Variants in PDE4B observed in about 807,000 individuals in gnomAD.
PDE4B encodes the protein phosphodiesterase 4B, also known as 3',5'-cyclic-AMP phosphodiesterase 4B.
A neutral mutation model predicts 82.2 loss-of-function variants in PDE4B; 20 were observed. That is an observed-to-expected ratio of 0.24 (90% CI 0.17 to 0.35). The LOEUF is 0.35. Among genes scored for constraint, PDE4B ranks in the 10% least tolerant of loss-of-function variants. The pLI, the probability that PDE4B is intolerant of heterozygous loss-of-function variation, is 1.00. For synonymous variants in PDE4B, 320 were observed against 318.9 expected, an observed-to-expected ratio of 1.00 and a Z score of -0.04; for missense variants, 655 against 907.2, an observed-to-expected ratio of 0.72 and a Z score of 3.57.
At chr1:66,185,524 A>C (rs1015761204) in intron 3 of PDE4B, among the ~76,000 whole-genome samples, 1 of 151,704 alleles carries the variant, frequency 6.6e-6, no homozygotes, top group African/African-American at 2.4e-5. Context: ...CTTTTTAATG[A>C]TTGCCATTCT....
rs578009622 is a variant in PDE4B, at chr1:66,179,238, T to A, written c.282-68222T>A. On this transcript the variant is annotated intron_variant, in intron 3 of 16. Coordinates refer to ENST00000341517, the MANE Select transcript of PDE4B (RefSeq NM_002600.4). ...CATGGAAACTCACTCAGCATATGAA[T>A]TTGTAATCTCAAAGCACCATCATAT... Among the ~76,000 whole-genome samples, 6 of 152,318 alleles carry A rather than the reference T, an allele frequency of 3.9e-5. No homozygotes were observed. The South Asian group carries it at 1.2e-3, about 32-fold the overall frequency.
chr1:65,817,207 G>T (rs529884519), intron 1 of PDE4B, among the ~76,000 whole-genome samples: 1 of 152,136 alleles, frequency 6.6e-6, no homozygotes, highest in Non-Finnish European at 1.5e-5. Context: ...AGATTTATTC[G>T]TTTTCTCTTC....
At chr1:66,135,336 C>A (rs1477816800) in intron 3 of PDE4B, among the ~76,000 whole-genome samples, 2 of 152,270 alleles carry the variant, frequency 1.3e-5, no homozygotes, top group Non-Finnish European at 2.9e-5. Flanking sequence ...TTATAGATAA[C>A]CCTAATGAAG....
At chr1:66,225,401 G>A (rs1651369252) in intron 3 of PDE4B, among the ~76,000 whole-genome samples, 1 of 152,148 alleles carries the variant, frequency 6.6e-6, no homozygotes, top group Non-Finnish European at 1.5e-5. Context: ...ATATTTCTAA[G>A]AATTCCTGCG....
chr1:66,149,380 G>T (rs1042056343), intron 3 of PDE4B, among the ~76,000 whole-genome samples: 2 of 151,984 alleles, frequency 1.3e-5, no homozygotes, highest in Non-Finnish European at 2.9e-5. Flanking sequence ...TATATAATTT[G>T]CAAATATTTT....
intron 3 of PDE4B, among the ~76,000 whole-genome samples, chr1:65,989,473 A>G (rs913876057): frequency 2.6e-5 from 4 of 152,212 alleles, no homozygotes; most frequent in Non-Finnish European, 5.9e-5. Flanking sequence ...CCTGGGTGAC[A>G]CAGCGAGACA....
chr1:66,101,173 A>G (rs1342007091), intron 3 of PDE4B, among the ~76,000 whole-genome samples: 2 of 152,102 alleles, frequency 1.3e-5, no homozygotes, highest in Non-Finnish European at 2.9e-5. Context: ...AACCTTTTTT[A>G]TGGCTGCATA....
At chr1:66,059,110 C>T (rs1205610283) in intron 3 of PDE4B, among the ~76,000 whole-genome samples, 1 of 152,158 alleles carries the variant, frequency 6.6e-6, no homozygotes, top group Non-Finnish European at 1.5e-5. Flanking sequence ...TGCAAAGATC[C>T]ACAAATCTCT....
At chr1:66,116,330 T>C (rs568672299) in intron 3 of PDE4B, among the ~76,000 whole-genome samples, 4 of 152,310 alleles carry the variant, frequency 2.6e-5, no homozygotes, top group African/African-American at 9.6e-5. Flanking sequence ...GACCTCTGTG[T>C]TCAAGGGTAG....
intron 3 of PDE4B, among the ~76,000 whole-genome samples, chr1:66,121,535 G>A (rs773341621): frequency 2.0e-5 from 3 of 152,152 alleles, no homozygotes; most frequent in Non-Finnish European, 4.4e-5. Context: ...TTCTTTGTCC[G>A]TGAGTAAGAA....
intron 3 of PDE4B, among the ~76,000 whole-genome samples, chr1:66,242,512 A>C (rs908413697): frequency 2.0e-5 from 3 of 152,220 alleles, no homozygotes; most frequent in Admixed American, 6.5e-5. Context: ...TTGCGAAAGA[A>C]AAATCTCCTC....
intron 7 of PDE4B, among the ~76,000 whole-genome samples, chr1:66,274,610 T>C (rs1189229596): frequency 6.6e-6 from 1 of 152,250 alleles, no homozygotes; most frequent in Non-Finnish European, 1.5e-5. Context: ...CTTTGTGACC[T>C]TGGGACAAAT....
At chr1:66,265,939 A>G in intron 6 of PDE4B, 99 bp from the exon 7 acceptor site, 1 of 844,278 alleles carries the variant, frequency 1.2e-6, no homozygotes, top group Middle Eastern at 2.2e-4. Context: ...GTTCATTATG[A>G]CCTGGAAAAG....
chr1:66,211,287 ACG>A (rs1338314184), intron 3 of PDE4B, among the ~76,000 whole-genome samples: 1 of 152,226 alleles, frequency 6.6e-6, no homozygotes, highest in Non-Finnish European at 1.5e-5. Context: ...ATCATATTAT[ACG>A]TTCCAAGTCT....
intron 1 of PDE4B, among the ~76,000 whole-genome samples, chr1:65,862,523 G>A (rs560394095): frequency 3.9e-4 from 60 of 152,128 alleles, no homozygotes; most frequent in Non-Finnish European, 7.1e-4. Context: ...TTTTTGTTGC[G>A]TTTCTGCCAG....
intron 3 of PDE4B, among the ~76,000 whole-genome samples, chr1:66,229,193 C>T (rs12744604): frequency 0.62 from 93,052 of 150,658 alleles, 29,464 homozygotes; most frequent in African/African-American, 0.73. Context: ...GTATTTTTAG[C>T]AGAGATGGGG....
At chr1:66,084,513 A>G (rs1182738872) in intron 3 of PDE4B, among the ~76,000 whole-genome samples, 2 of 152,138 alleles carry the variant, frequency 1.3e-5, no homozygotes, top group South Asian at 2.1e-4. Flanking sequence ...CAATGACATC[A>G]TAGCAACAAA....
intron 1 of PDE4B, among the ~76,000 whole-genome samples, chr1:65,900,690 C>G (rs1646962236): frequency 6.6e-6 from 1 of 152,066 alleles, no homozygotes; most frequent in South Asian, 2.1e-4. Flanking sequence ...TAGGTGTATT[C>G]CTAGGTATGT....
chr1:66,244,838 G>A (rs1653180764), intron 3 of PDE4B, among the ~76,000 whole-genome samples: 1 of 152,234 alleles, frequency 6.6e-6, no homozygotes, highest in African/African-American at 2.4e-5. Flanking sequence ...ATCATGGAGA[G>A]ATCATTGGAG....
Sources: gnomAD v4.1 joint callset for allele counts (sites outside exome capture counted in the v4.1 genomes callset) on GRCh38, gnomAD v4.1.1 for gene constraint, MANE v1.5 for transcripts, NCBI Gene and HGNC (gene_info 2026-07-23, HGNC 2026-07-21) for gene names.